NEBL: variants seen among roughly 807,000 people sequenced by gnomAD.
The protein encoded by NEBL is LIM and SH3 protein 2.
NEBL carries 122 observed loss-of-function variants against 140.2 expected under a neutral mutation model. That is an observed-to-expected ratio of 0.87 (90% CI 0.75 to 1.01). The LOEUF is 1.01. Ranked by LOEUF, NEBL falls within the 50% of genes least tolerant of loss-of-function variation. NEBL has a pLI of 0.00. For synonymous variants in NEBL, 436 were observed against 398.9 expected (o/e 1.09, Z -1.11); for missense variants, 1,365 against 1,231.3 (o/e 1.11, Z -1.62).
At chr10:21,005,087 C>G (rs1252061754) in intron 3 of NEBL, among the ~76,000 whole-genome samples, 1 of 152,168 alleles carries the variant, frequency 6.6e-6, no homozygotes, top group African/African-American at 2.4e-5. Flanking sequence ...ATTTTGCACG[C>G]TCACAACCAA....
intron 4 of NEBL, among the ~76,000 whole-genome samples, chr10:20,918,127 G>A (rs1234228761): frequency 1.3e-5 from 2 of 152,120 alleles, no homozygotes; most frequent in Non-Finnish European, 2.9e-5. Context: ...GGGAGGCCAA[G>A]GCGGGCAGAT....
At chr10:20,797,593 T>C (rs1836677935) in intron 26 of NEBL, among the ~76,000 whole-genome samples, 1 of 152,196 alleles carries the variant, frequency 6.6e-6, no homozygotes, top group Non-Finnish European at 1.5e-5. Flanking sequence ...TAAATGTGAA[T>C]GATTGTCTGC....
chr10:21,196,037 T>A (rs1841642069), intron 3 of NEBL, among the ~76,000 whole-genome samples: 1 of 152,324 alleles, frequency 6.6e-6, no homozygotes, highest in African/African-American at 2.4e-5. Flanking sequence ...GGAGTCTCAC[T>A]CTGTTGCCCA....
intron 5 of NEBL, among the ~76,000 whole-genome samples, chr10:20,871,179 A>C (rs560467179): frequency 3.3e-5 from 5 of 152,310 alleles, no homozygotes; most frequent in African/African-American, 1.2e-4. Flanking sequence ...CAAAATGCAC[A>C]CTTAATTACA....
intron 4 of NEBL, among the ~76,000 whole-genome samples, chr10:20,934,041 A>T (rs181110241): frequency 1.1e-3 from 170 of 151,388 alleles, no homozygotes; most frequent in Middle Eastern, 6.8e-3. Context: ...GTTGAAATTT[A>T]AAAAAAAAGG....
At chr10:20,968,360 A>T (rs560116508) in intron 3 of NEBL, among the ~76,000 whole-genome samples, 1 of 152,052 alleles carries the variant, frequency 6.6e-6, no homozygotes, top group Non-Finnish European at 1.5e-5. Flanking sequence ...AAAAAATTAA[A>T]ATCAGCCAGG....
intron 2 of NEBL, among the ~76,000 whole-genome samples, chr10:21,082,482 C>A (rs813710): frequency 7.1e-6 from 1 of 140,228 alleles, no homozygotes; most frequent in East Asian, 2.1e-4. Context: ...TAAAAATGTT[C>A]TTTGTAGTGT....
intron 4 of NEBL, among the ~76,000 whole-genome samples, chr10:20,942,522 G>A (rs1466739757): frequency 6.6e-6 from 1 of 152,192 alleles, no homozygotes; most frequent in Admixed American, 6.5e-5. Flanking sequence ...TCAGGACATA[G>A]GCATGGGCAA....
chr10:21,093,507 G>A (rs1439009888), intron 2 of NEBL, among the ~76,000 whole-genome samples: 3 of 152,156 alleles, frequency 2.0e-5, no homozygotes, highest in African/African-American at 7.2e-5. Flanking sequence ...GTGTTCATAA[G>A]CTGCTAAGCT....
chr10:20,892,732 A>G (rs1004167850), intron 2 of NEBL, among the ~76,000 whole-genome samples: 3 of 152,144 alleles, frequency 2.0e-5, no homozygotes, highest in African/African-American at 4.8e-5. Context: ...CTCCTGGCCA[A>G]GTTTGTTTGA....
At chr10:20,839,018 G>A (rs781681381) in intron 13 of NEBL, among the ~76,000 whole-genome samples, 39 of 152,224 alleles carry the variant, frequency 2.6e-4, no homozygotes, top group Admixed American at 3.3e-4. Context: ...GTCTGGAACC[G>A]AACCCATAGT....
At chr10:20,938,636 A>C (rs1019404270) in intron 4 of NEBL, among the ~76,000 whole-genome samples, 7 of 152,034 alleles carry the variant, frequency 4.6e-5, no homozygotes, top group Non-Finnish European at 8.8e-5. Context: ...CAATCAAACT[A>C]CTCTGAGCTA....
intron 1 of NEBL, among the ~76,000 whole-genome samples, chr10:21,257,931 A>G (rs1053714882): frequency 6.6e-6 from 1 of 151,704 alleles, no homozygotes; most frequent in East Asian, 1.9e-4. Context: ...ACACACACAC[A>G]CTACATACAT....
rs191764833 is a variant in NEBL at position 21,062,167 on chromosome 10, C to G, written c.165-41966G>C. ...TATATTTTATGTGCCAAGTTTTTAG[C>G]ATTTCAGCAGGTGCAATGGGACAAA... On this transcript the variant is annotated intron_variant, in intron 2 of 6. Coordinates refer to the NEBL transcript ENST00000417816. Among the ~76,000 whole-genome samples the G allele has an allele frequency of 7.2e-5, 11 of 152,294 alleles. No homozygotes were observed. In the East Asian group the frequency reaches 2.1e-3, roughly 29 times the overall value.
At chr10:21,055,945 C>T (rs182554460) in intron 2 of NEBL, among the ~76,000 whole-genome samples, 18 of 152,310 alleles carry the variant, frequency 1.2e-4, no homozygotes, top group Admixed American at 2.0e-4. Context: ...TGAGGCTACA[C>T]GGGCAAATGC....
rs575868894 is a variant in NEBL at position 21,075,008 on chromosome 10, G to A, written c.165-54807C>T. On this transcript the variant is annotated intron_variant, in intron 2 of 6. Transcript: ENST00000417816. The stretch of plus-strand genomic sequence containing the variant: ...TTAGTAGAGGTGGGGGTTTCACCAT[G>A]TTGCCCAAGCTGGTCTCAAACTCCT... Among the ~76,000 whole-genome samples, 7 of 151,916 alleles carry A rather than the reference G, an allele frequency of 4.6e-5. No homozygotes were observed. The South Asian group carries it at 6.3e-4, about 14-fold the overall frequency.
At position 21,125,419 on chromosome 10, in the gene NEBL, G is replaced by A. The variant is rs143532917; in HGVS notation, c.164+46964C>T. Among the ~76,000 whole-genome samples, 5 of 152,308 alleles carry A rather than the reference G, an allele frequency of 3.3e-5. No homozygotes were observed. In the East Asian group the frequency reaches 9.7e-4, roughly 29 times the overall value. On this transcript the variant is annotated intron_variant, in intron 2 of 6. Transcript: ENST00000417816. ...ACTGTTTTAAATTGGGGGTTGGGGA[G>A]AAGAAATGGGAAGTTGCGGAGGGGA... is the stretch of plus-strand genomic sequence containing the variant.
At chr10:20,795,502 T>TTG (rs1836417206) in intron 26 of NEBL, among the ~76,000 whole-genome samples, 1 of 152,212 alleles carries the variant, frequency 6.6e-6, no homozygotes, top group Non-Finnish European at 1.5e-5. Context: ...TTTAGATTTA[T>TTG]TGTAAGAGTC....
chr10:21,090,302 G>A (rs1372584449), intron 2 of NEBL, among the ~76,000 whole-genome samples: 2 of 152,156 alleles, frequency 1.3e-5, no homozygotes, highest in African/African-American at 2.4e-5. Context: ...TCAGCCCTCC[G>A]TATCCATGAA....
Sources: allele counts gnomAD v4.1 joint callset (sites outside exome capture counted in the v4.1 genomes callset), GRCh38; gene constraint gnomAD v4.1.1; transcripts MANE v1.5; gene names NCBI Gene and HGNC (gene_info 2026-07-23, HGNC 2026-07-21).